TCF20: variants seen among roughly 807,000 people sequenced by gnomAD.
The protein encoded by TCF20 is transcription factor 20.
In TCF20, 3 loss-of-function variants were observed where a neutral mutation model predicts 148.6. The observed-to-expected ratio is 0.02, with a 90% CI of 0.01 to 0.05. TCF20 has a LOEUF of 0.05. Among genes scored for constraint, TCF20 ranks in the 10% least tolerant of loss-of-function variants. TCF20 has a pLI of 1.00. For synonymous variants in TCF20, 1,049 were observed against 909.5 expected (o/e 1.15, Z -2.76); for missense variants, 2,350 against 2,429.3 (o/e 0.97, Z 0.69).
rs368241825 is a variant in TCF20 at position 42,281,015 on chromosome 22, G to C, written c.-37+2812C>G. ...GCCACCCCTCTGTGCTGCCATCTCC[G>C]TTGGGGATAGGTCTGGGGGACTAGC... On this transcript the variant is annotated intron_variant, in intron 1 of 5. Coordinates refer to the TCF20 transcript ENST00000359486. Among the ~76,000 whole-genome samples, 9 of 152,184 alleles carry C rather than the reference G, an allele frequency of 5.9e-5. No homozygotes were observed. In the East Asian group the frequency reaches 1.4e-3, roughly 23 times the overall value.
chr22:42,275,826 TGATCTAAGA>T (rs1926765765), intron 1 of TCF20, among the ~76,000 whole-genome samples: 1 of 152,124 alleles, frequency 6.6e-6, no homozygotes, highest in Admixed American at 6.5e-5. Context: ...GAATATGAAA[TGATCTAAGA>T]GTCGCAGTGA....
intron 1 of TCF20, among the ~76,000 whole-genome samples, chr22:42,295,163 C>A (rs1425117971): frequency 6.6e-6 from 1 of 152,190 alleles, no homozygotes; most frequent in Non-Finnish European, 1.5e-5. Context: ...AGCCTCCTAA[C>A]CCCAGCCTGG....
chr22:42,213,467 C>G lies in TCF20; in HGVS notation c.1839G>C (p.Met613Ile). 1 of 1,614,204 alleles carries G rather than the reference C, an allele frequency of 6.2e-7. No individual in the cohort carries two copies. Among genetic ancestry groups the G allele is most frequent in the Non-Finnish European group, 8.5e-7 (1 of 1,180,040 alleles). Reference protein sequence around the residue: ...TVGVIVSREAMTGRVEKPGGQ... With the variant: ...TVGVIVSREAITGRVEKPGGQ... ...CACCAGGCTTTTCTACCCGACCTGT[C>G]ATGGCTTCCCGGGAGACAATCACCC... Residue 613 changes from methionine to isoleucine, a missense_variant, in exon 2 of 6, where the codon ATG becomes ATC. Around this residue, in one of 7 missense-constraint regions of TCF20, gnomAD observed 1,641 missense variants for 1,662.6 expected, o/e 0.99. Transcript: ENST00000677622.
intron 5 of TCF20, among the ~76,000 whole-genome samples, chr22:42,162,809 G>T (rs553995945): frequency 6.6e-6 from 1 of 152,138 alleles, no homozygotes; most frequent in Non-Finnish European, 1.5e-5. Flanking sequence ...TGGGGCCTGC[G>T]GGAGCTAAGA....
At chr22:42,271,311 G>T (rs1490084598), upstream of TCF20, among the ~76,000 whole-genome samples, 1 of 152,208 alleles carries the variant, frequency 6.6e-6, no homozygotes, top group Non-Finnish European at 1.5e-5. Context: ...CCTGTAAAAC[G>T]GACGCTCCAG....
At chr22:42,176,603 C>T (rs1288157122) in intron 3 of TCF20, among the ~76,000 whole-genome samples, 1 of 152,212 alleles carries the variant, frequency 6.6e-6, no homozygotes, top group Non-Finnish European at 1.5e-5. Context: ...ATGACAAGCA[C>T]CATGCTACTT....
chr22:42,179,894 T>C (rs1276595264), intron 2 of TCF20, among the ~76,000 whole-genome samples, 192 bp from the exon 3 acceptor site: 1 of 152,166 alleles, frequency 6.6e-6, no homozygotes, highest in Non-Finnish European at 1.5e-5. Context: ...CCAGCAATAA[T>C]GTTTTAGACC....
chr22:42,183,522 G>C (rs542636584), intron 2 of TCF20, among the ~76,000 whole-genome samples: 1 of 152,280 alleles, frequency 6.6e-6, no homozygotes, highest in Non-Finnish European at 1.5e-5. Flanking sequence ...GATGGGAGAA[G>C]GGACAGGGCG....
At chr22:42,306,245 C>T (rs981412805) in intron 1 of TCF20, among the ~76,000 whole-genome samples, 1 of 152,260 alleles carries the variant, frequency 6.6e-6, no homozygotes, top group Non-Finnish European at 1.5e-5. Flanking sequence ...TAATGAAAGG[C>T]AGAAGCCTGG....
At chr22:42,323,877 G>GGTGATGGAGGTTATGGTGGTGGTGGTA (rs1569209632) in intron 1 of TCF20, among the ~76,000 whole-genome samples, 6 of 125,862 alleles carry the variant, frequency 4.8e-5, no homozygotes, top group Admixed American at 1.7e-4. Context: ...TGGTGGTGGT[G>GGTGATGGAGGTTATGGTGGTGGTGGTA]GTGGTGATGG....
At position 42,213,968 on chromosome 22, in the gene TCF20, C is replaced by T; in HGVS notation, c.1338G>A (p.Lys446=). The change falls in exon 2 of 6, where the codon AAG becomes AAA. Residue 446 remains lysine (K), a synonymous_variant. Coordinates refer to ENST00000677622, the MANE Select transcript of TCF20 (RefSeq NM_001378418.1). ...KGFGLEGVPE[K]RLTDPGLSSL... Reference sequence around the variant, plus strand: ...TACTCAACCCAGGATCTGTCAGTCGCTTTTCTGGTACCCCTTCTAGTCCAA... The same window carrying T: ...TACTCAACCCAGGATCTGTCAGTCGTTTTTCTGGTACCCCTTCTAGTCCAA... The T allele has an allele frequency of 6.2e-7, 1 of 1,614,180 alleles. No individual in the cohort carries two copies. Among genetic ancestry groups the T allele is most frequent in the Admixed American group, 1.7e-5 (1 of 60,016 alleles).
intron 5 of TCF20, among the ~76,000 whole-genome samples, chr22:42,162,483 T>G (rs948782704): frequency 6.6e-6 from 1 of 152,106 alleles, no homozygotes; most frequent in African/African-American, 2.4e-5. Flanking sequence ...ATGGCCCACG[T>G]AGGACAGATG....
intron 1 of TCF20, among the ~76,000 whole-genome samples, chr22:42,310,605 G>C (rs900834028): frequency 5.3e-5 from 8 of 152,184 alleles, no homozygotes; most frequent in Non-Finnish European, 1.0e-4. Context: ...ATGGCTCGTG[G>C]AAGTGGCAGC....
chr22:42,298,115 C>T (rs371117854), intron 1 of TCF20, among the ~76,000 whole-genome samples: 2 of 152,236 alleles, frequency 1.3e-5, no homozygotes, highest in African/African-American at 2.4e-5. Context: ...CAAAGTCACA[C>T]AGCTGATCAG....
intron 1 of TCF20, among the ~76,000 whole-genome samples, chr22:42,229,948 T>C (rs961451656): frequency 1.3e-5 from 2 of 152,166 alleles, no homozygotes; most frequent in African/African-American, 4.8e-5. Context: ...ATCTACAAGG[T>C]CCTCAAACAG....
chr22:42,219,927 C>T (rs954168573), intron 1 of TCF20, among the ~76,000 whole-genome samples: 21 of 152,228 alleles, frequency 1.4e-4, no homozygotes, highest in Admixed American at 1.2e-3. Context: ...CTGTTTTTCT[C>T]CTATATTCCT....
rs1921560491 is a variant in TCF20 at position 42,214,980 on chromosome 22, C to T, written c.326G>A (p.Arg109Gln). The change falls in exon 2 of 6, where the codon CGA (arginine) becomes CAA (glutamine). Residue 109 changes from arginine (R) to glutamine (Q), a missense_variant. By Grantham distance (43) the Arg-to-Gln change is conservative. Transcript: ENST00000677622. The part of the protein sequence containing the change: ...VTTGTPQPPQ[R>Q]RPSGPVQSYG... ...GCTCTGCACAGGCCCAGAAGGCCTT[C>T]GCTGAGGAGGCTGTGGGGTTCCTGT... 4 of 1,614,228 alleles carry T rather than the reference C, an allele frequency of 2.5e-6. No homozygotes were observed. The highest frequency in any genetic ancestry group is 1.1e-5 in the South Asian group (1 of 91,088).
At chr22:42,267,892 T>C (rs1347939089) in intron 1 of TCF20, among the ~76,000 whole-genome samples, 2 of 152,160 alleles carry the variant, frequency 1.3e-5, no homozygotes. Flanking sequence ...ACACCTGTAA[T>C]CCCAGCACTT....
chr22:42,289,697 G>A (rs766870335), intron 1 of TCF20, among the ~76,000 whole-genome samples: 38 of 152,164 alleles, frequency 2.5e-4, no homozygotes, highest in Non-Finnish European at 4.4e-5. Flanking sequence ...CTGAGATTCT[G>A]AACCACACAC....
Sources: gnomAD v4.1 joint callset for allele counts (sites outside exome capture counted in the v4.1 genomes callset) on GRCh38, gnomAD v4.1.1 for gene constraint, gnomAD v4.1.1 regional missense constraint, MANE v1.5 for transcripts, NCBI Gene and HGNC (gene_info 2026-07-23, HGNC 2026-07-21) for gene names.